The following PCDHGA9 variants were observed in gnomAD, a reference collection of about 807,000 sequenced individuals.
The protein encoded by PCDHGA9 is protocadherin gamma subfamily A, 9.
PCDHGA9 carries 37 observed loss-of-function variants against 62.5 expected under a neutral mutation model. That is an observed-to-expected ratio of 0.59 (90% CI 0.46 to 0.78). The LOEUF (loss-of-function observed/expected upper bound fraction) is 0.78, where lower values mean the gene tolerates loss of function less well. Among genes scored for constraint, PCDHGA9 ranks in the 30% least tolerant of loss-of-function variants. The pLI is 0.00. For synonymous variants in PCDHGA9, 459 were observed against 484.6 expected, an observed-to-expected ratio of 0.95 and a Z score of 0.69; for missense variants, 1,138 against 1,166.2, an observed-to-expected ratio of 0.98 and a Z score of 0.35.
At chr5:141,475,217 A>G (rs1053906682) in intron 1 of PCDHGA9, among the ~76,000 whole-genome samples, 4 of 152,196 alleles carry the variant, frequency 2.6e-5, no homozygotes, top group Non-Finnish European at 5.9e-5. Flanking sequence ...AGGATTGATC[A>G]AGTAAAGGGA....
At chr5:141,411,227 G>A (rs1276536852) in intron 1 of PCDHGA9, 1 of 152,092 alleles carries the variant, frequency 6.6e-6, no homozygotes, top group Non-Finnish European at 1.5e-5. Context: ...TCAAATTTGC[G>A]AAGACTTAGT....
At chr5:141,420,046 A>G (rs772981030) in intron 1 of PCDHGA9, 6 of 1,614,048 alleles carry the variant, frequency 3.7e-6, no homozygotes, top group South Asian at 1.1e-5. Context: ...GCTTTGAGTC[A>G]GTTCTCTGCT....
At chr5:141,468,836 A>G (rs1286137807) in intron 1 of PCDHGA9, among the ~76,000 whole-genome samples, 1 of 152,170 alleles carries the variant, frequency 6.6e-6, no homozygotes, top group East Asian at 1.9e-4. Flanking sequence ...ACTGCACTCC[A>G]GCCTGGGCAA....
At chr5:141,494,069 C>T (rs1249076667) in intron 1 of PCDHGA9, among the ~76,000 whole-genome samples, 1 of 152,146 alleles carries the variant, frequency 6.6e-6, no homozygotes, top group Non-Finnish European at 1.5e-5. Context: ...GAGCTGGATC[C>T]CTCCCCGCTG....
At chr5:141,480,948 G>C (rs1288557779) in intron 1 of PCDHGA9, among the ~76,000 whole-genome samples, 1 of 152,138 alleles carries the variant, frequency 6.6e-6, no homozygotes, top group Non-Finnish European at 1.5e-5. Context: ...TAGAGGCTGA[G>C]GCGGAAGCAT....
At chr5:141,469,886 T>A (rs766990419) in intron 1 of PCDHGA9, among the ~76,000 whole-genome samples, 4 of 152,208 alleles carry the variant, frequency 2.6e-5, no homozygotes, top group Non-Finnish European at 4.4e-5. Context: ...ATCTCGGCAC[T>A]TTGGGAAGCC....
chr5:141,423,656 A>G (rs988976310), intron 1 of PCDHGA9: 2 of 1,571,854 alleles, frequency 1.3e-6, no homozygotes, highest in African/African-American at 1.4e-5. Context: ...CCGACAAGTA[A>G]TCAGGTGAGA....
At chr5:141,427,776 G>T (rs3828681) in intron 1 of PCDHGA9, 8 of 1,424,704 alleles carry the variant, frequency 5.6e-6, no homozygotes, top group Non-Finnish European at 9.8e-7. Context: ...GGAGCTGCGG[G>T]CACTGTCGTC....
In PCDHGA9 at chr5:141,403,263, T is replaced by A; in HGVS notation, c.311T>A (p.Val104Glu). The change falls in exon 1 of 4, where the codon GTG becomes GAG. Residue 104 changes from valine (V) to glutamate (E), a missense_variant. By Grantham distance (121) the Val-to-Glu change is moderately radical. Coordinates refer to ENST00000573521, the MANE Select transcript of PCDHGA9 (RefSeq NM_018921.3). ...ELCAQSPRCL[V>E]NFKVLVEDRV... ...TGTGCTCAGAGCCCGCGGTGTCTGG[T>A]GAACTTTAAAGTCCTGGTTGAAGAC... The A allele has an allele frequency of 6.2e-7, 1 of 1,613,872 alleles. No homozygotes were observed. The highest frequency in any genetic ancestry group is 2.2e-5 in the East Asian group (1 of 44,886).
Position 141,490,481 on chromosome 5 carries a change from G to A in PCDHGA9, c.2425-4326G>A, listed in dbSNP as rs771164683. 8.7e-6 allele frequency: 14 copies of A among 1,614,060 alleles called. No homozygotes were observed. The highest frequency in any genetic ancestry group is 4.0e-5 in the African/African-American group (3 of 74,928). ...CTGCTAACCAGCCAGCCTTTGGACCGGGAGGCCACATCCCACTATATCATC... is the reference window on the plus strand; with the variant it reads ...CTGCTAACCAGCCAGCCTTTGGACCAGGAGGCCACATCCCACTATATCATC... On this transcript the variant is annotated intron_variant, in intron 1 of 3. Transcript: ENST00000573521. The surrounding 1 kb of genome is among the most constrained non-coding windows in gnomAD (Gnocchi z 5.4).
chr5:141,431,603 C>T lies in PCDHGA9; in HGVS notation c.2424+26227C>T, dbSNP rs746243366. On this transcript the variant is annotated intron_variant, in intron 1 of 3. Coordinates refer to ENST00000573521, the MANE Select transcript of PCDHGA9 (RefSeq NM_018921.3). This position sits in a 1 kb window ranked among gnomAD's most constrained non-coding sequence, Gnocchi z 4.8. ...CAATGCGGAAGTGAGGTATTCCTTC[C>T]GGTATGTGGACGACAAGGCGGCCCA... is the stretch of plus-strand genomic sequence containing the variant. 1.1e-5 allele frequency: 17 copies of T among 1,614,212 alleles called. No individual in the cohort carries two copies. Among genetic ancestry groups the T allele is most frequent in the Non-Finnish European group, 1.4e-5 (16 of 1,180,044 alleles).
At chr5:141,413,369 A>G (rs767278842) in intron 1 of PCDHGA9, 1 of 1,613,964 alleles carries the variant, frequency 6.2e-7, no homozygotes, top group South Asian at 1.1e-5. Context: ...GAGCTGGCGG[A>G]GCGCGGAGTC....
At chr5:141,497,541 T>C (rs1157403777) in intron 2 of PCDHGA9, among the ~76,000 whole-genome samples, 9 of 89,564 alleles carry the variant, frequency 1.0e-4, no homozygotes, top group Non-Finnish European at 2.1e-4. Context: ...GCAACAAACC[T>C]TTTTTTTTTT....
chr5:141,505,334 G>T, intron 2 of PCDHGA9, 59 bp from the exon 3 acceptor site: 1 of 1,611,326 alleles, frequency 6.2e-7, no homozygotes, highest in Non-Finnish European at 8.5e-7. Context: ...GAGAGGACAG[G>T]AGGGGCATGA....
chr5:141,407,390 G>T (rs2094924861), intron 1 of PCDHGA9, among the ~76,000 whole-genome samples: 1 of 152,164 alleles, frequency 6.6e-6, no homozygotes, highest in Non-Finnish European at 1.5e-5. Flanking sequence ...GTATGTCATG[G>T]TAGGTAGTTA....
intron 1 of PCDHGA9, among the ~76,000 whole-genome samples, chr5:141,424,884 T>C (rs953145254): frequency 2.0e-5 from 3 of 152,186 alleles, no homozygotes; most frequent in Non-Finnish European, 4.4e-5. Flanking sequence ...AGGAGACTTA[T>C]CTAGGGTTTT....
In PCDHGA9 at chr5:141,403,612, GC is replaced by G; in HGVS notation, c.661del (p.Arg221ValfsTer10). The G allele has an allele frequency of 6.2e-7, 1 of 1,613,854 alleles. No homozygotes were observed. Among genetic ancestry groups the G allele is most frequent in the Non-Finnish European group, 8.5e-7 (1 of 1,179,884 alleles). ...VLTASDGGEPRRSSTVRIHVT... is the reference protein window; with the variant it reads ...VLTASDGGEPXRSSTVRIHVT... ...TCACGGCCTCGGATGGCGGCGAGCC[GC>G]GTCGCTCCAGCACAGTGCGCATCCA... is the stretch of plus-strand genomic sequence containing the variant. On this transcript the variant is annotated frameshift_variant, in exon 1 of 4. Transcript: ENST00000573521. LOFTEE classifies it high-confidence loss of function.
In PCDHGA9 at chr5:141,486,474, C is replaced by T. The variant is rs1594589698; in HGVS notation, c.2425-8333C>T. On this transcript the variant is annotated intron_variant, in intron 1 of 3. Transcript: ENST00000573521. This position sits in a 1 kb window ranked among gnomAD's most constrained non-coding sequence, Gnocchi z 5.0. ...ACTGCTTCTGATGCTGGGAACCCTCCTCTCAGTACCCACAGAACTATTTTC... is the reference window on the plus strand; with the variant it reads ...ACTGCTTCTGATGCTGGGAACCCTCTTCTCAGTACCCACAGAACTATTTTC... 1 of 1,614,016 alleles carries T rather than the reference C, an allele frequency of 6.2e-7. No homozygotes were observed. Among genetic ancestry groups the T allele is most frequent in the South Asian group, 1.1e-5 (1 of 91,082 alleles).
intron 1 of PCDHGA9, among the ~76,000 whole-genome samples, chr5:141,451,032 A>G: frequency 6.6e-6 from 1 of 150,486 alleles, no homozygotes; most frequent in Non-Finnish European, 1.5e-5. Context: ...GTTTCACCAT[A>G]TTGGCCAGGC....
Sources: gnomAD v4.1 joint callset for allele counts (sites outside exome capture counted in the v4.1 genomes callset) on GRCh38, gnomAD v4.1.1 for gene constraint, Gnocchi (gnomAD v3.1) non-coding constraint, MANE v1.5 for transcripts, NCBI Gene and HGNC (gene_info 2026-07-23, HGNC 2026-07-21) for gene names.